TM6SF1: variants seen among roughly 807,000 people sequenced by gnomAD.
The protein encoded by TM6SF1 is transmembrane 6 superfamily member 1.
A neutral mutation model predicts 47.1 loss-of-function variants in TM6SF1; 43 were observed. That is an observed-to-expected ratio of 0.91 (90% CI 0.72 to 1.18). The LOEUF is 1.18. Among genes scored for constraint, TM6SF1 ranks in the 50% most tolerant of loss-of-function variants. The probability of loss-of-function intolerance (pLI) is 0.00; values close to 1 mark genes in which losing one functional copy is unlikely to be tolerated. For missense variants in TM6SF1, 390 were observed against 449.0 expected (o/e 0.87, Z 1.19); for synonymous variants, 177 against 166.3 (o/e 1.06, Z -0.49).
intron 1 of TM6SF1, among the ~76,000 whole-genome samples, chr15:83,110,806 C>G (rs1456775464): frequency 6.6e-6 from 1 of 152,216 alleles, no homozygotes; most frequent in Non-Finnish European, 1.5e-5. Flanking sequence ...CAGAAACCTC[C>G]TATTTTTCAG....
intron 2 of TM6SF1, 39 bp from the exon 3 acceptor site, chr15:83,115,806 G>A: frequency 3.7e-6 from 5 of 1,350,890 alleles, no homozygotes; most frequent in South Asian, 2.3e-5. Context: ...ATTGTCTCCT[G>A]AGCTATTGCT....
chr15:83,117,351 G>A (rs1416690360), intron 3 of TM6SF1, among the ~76,000 whole-genome samples: 2 of 152,146 alleles, frequency 1.3e-5, no homozygotes, highest in African/African-American at 4.8e-5. Flanking sequence ...GAGCAGTCCT[G>A]GAAGAGAGAG....
At chr15:83,117,667 G>C (rs1171530736) in intron 3 of TM6SF1, among the ~76,000 whole-genome samples, 1 of 152,114 alleles carries the variant, frequency 6.6e-6, no homozygotes, top group Non-Finnish European at 1.5e-5. Context: ...GGACTGGGGT[G>C]TAACTGTGGT....
At chr15:83,118,142 G>A (rs1038107909) in intron 3 of TM6SF1, among the ~76,000 whole-genome samples, 1 of 152,028 alleles carries the variant, frequency 6.6e-6, no homozygotes, top group Non-Finnish European at 1.5e-5. Context: ...CGGGAGGATC[G>A]CTTGACGCCA....
intron 9 of TM6SF1, 151 bp downstream of exon 9, chr15:83,127,628 G>A (rs952555448): frequency 9.9e-5 from 77 of 777,930 alleles, no homozygotes; most frequent in Non-Finnish European, 1.3e-4. Flanking sequence ...AGACATTTCT[G>A]CAAGTACATT....
intron 9 of TM6SF1, chr15:83,135,664 C>T (rs986381793): frequency 2.0e-5 from 3 of 152,184 alleles, no homozygotes; most frequent in African/African-American, 7.2e-5. Flanking sequence ...CCAATTGGCA[C>T]ATTCTGAATG....
chr15:83,116,066 A>T (rs1048529350), intron 3 of TM6SF1, 124 bp downstream of exon 3: 1 of 738,326 alleles, frequency 1.4e-6, no homozygotes, highest in African/African-American at 1.7e-5. Flanking sequence ...TTCATTTCCT[A>T]TAATAGCCTT....
At chr15:83,122,931 C>T (rs905558734) in intron 6 of TM6SF1, 53 bp downstream of exon 6, 45 of 1,599,718 alleles carry the variant, frequency 2.8e-5, no homozygotes, top group Admixed American at 1.9e-4. Flanking sequence ...AGGGTTCTTT[C>T]GCATCCACTG....
At chr15:83,128,659 C>T (rs1231979837) in intron 9 of TM6SF1, 14 of 152,196 alleles carry the variant, frequency 9.2e-5, no homozygotes, top group Admixed American at 9.2e-4. Flanking sequence ...TTGCATGCCT[C>T]ACTAGCACCT....
chr15:83,117,020 G>C (rs1464834009), intron 3 of TM6SF1, among the ~76,000 whole-genome samples: 1 of 152,198 alleles, frequency 6.6e-6, no homozygotes, highest in Non-Finnish European at 1.5e-5. Context: ...AATTGTCCCA[G>C]GCACAGTGAG....
At chr15:83,132,412 G>A (rs1239343579) in intron 9 of TM6SF1, 1 of 152,232 alleles carries the variant, frequency 6.6e-6, no homozygotes, top group Non-Finnish European at 1.5e-5. Context: ...GCCAGCGAAG[G>A]AGGTTCAGTT....
intron 1 of TM6SF1, among the ~76,000 whole-genome samples, chr15:83,109,726 C>T (rs888512978): frequency 1.3e-5 from 2 of 152,148 alleles, no homozygotes; most frequent in East Asian, 1.9e-4. Context: ...TTCTCGGCCT[C>T]GGCCCCCCAG....
rs1228684035 is a variant in TM6SF1, at chr15:83,136,653, C to A, written c.1094C>A (p.Ala365Glu). 1.3e-6 allele frequency: 2 copies of A among 1,593,356 alleles called. No homozygotes were observed. The highest frequency in any genetic ancestry group is 1.7e-6 in the Non-Finnish European group (2 of 1,174,770). Residue 365 changes from alanine (A) to glutamate (E), a missense_variant, in exon 10 of 10, where the codon GCA becomes GAA. Coordinates refer to ENST00000322019, the MANE Select transcript of TM6SF1 (RefSeq NM_023003.5). The stretch of plus-strand genomic sequence containing the variant: ...CCAGAGTTCTTCATAAAAACAAAGG[C>A]AGAAGAAAAAGTGGAATAAAAATAT... ...YKPEFFIKTK[A>E]EEKVE
intron 3 of TM6SF1, among the ~76,000 whole-genome samples, chr15:83,118,077 C>A (rs576446004): frequency 6.6e-6 from 1 of 152,178 alleles, no homozygotes; most frequent in South Asian, 2.1e-4. Flanking sequence ...TATAGAGAGG[C>A]CATGGCTGGC....
intron 1 of TM6SF1, among the ~76,000 whole-genome samples, chr15:83,110,507 T>C (rs2034050985): frequency 6.6e-6 from 1 of 152,176 alleles, no homozygotes; most frequent in African/African-American, 2.4e-5. Flanking sequence ...GAGAGGACGC[T>C]GTGAACCAGT....
Position 83,112,818 on chromosome 15 carries a change from T to G in TM6SF1, c.114T>G (p.Val38=), listed in dbSNP as rs1364295198. 6.2e-7 allele frequency: 1 copy of G among 1,614,048 alleles called. No homozygotes were observed. Among genetic ancestry groups the G allele is most frequent in the Non-Finnish European group, 8.5e-7 (1 of 1,179,994 alleles). Residue 38 remains valine (V), a synonymous_variant, in exon 2 of 10, where the codon GTT becomes GTG. Coordinates refer to ENST00000322019, the MANE Select transcript of TM6SF1 (RefSeq NM_023003.5). ...AQHDSWTIVG[V]AALILFLVAL... ...GCAGTTCCTGGACTATTGTAGGGGT[T>G]GCTGCCCTCATCCTGTTCCTGGTAG...
rs545878028 is a variant in TM6SF1 at position 83,119,732 on chromosome 15, C to T, written c.398+51C>T. ...CTTTGCCACCTTAGCAACCGATAAG[C>T]GGGTATGTAAGGAAACGTTATGCAT... On this transcript the variant is annotated intron_variant, in intron 4 of 9. Coordinates refer to ENST00000322019, the MANE Select transcript of TM6SF1 (RefSeq NM_023003.5). 22 of 1,610,658 alleles carry T rather than the reference C, an allele frequency of 1.4e-5. No homozygotes were observed. The East Asian group carries it at 2.2e-4, about 16-fold the overall frequency.
intron 2 of TM6SF1, chr15:83,113,793 G>A (rs1457017101): frequency 6.6e-6 from 1 of 152,342 alleles, no homozygotes; most frequent in Non-Finnish European, 1.5e-5. Context: ...AAGGAAGAAA[G>A]TGGTGGCTCT....
chr15:83,119,710 T>A, intron 4 of TM6SF1, 29 bp downstream of exon 4: 1 of 1,613,312 alleles, frequency 6.2e-7, no homozygotes, highest in Non-Finnish European at 8.5e-7. Context: ...TGTGTGCCTT[T>A]GCCACCTTAG....
Sources: allele counts gnomAD v4.1 joint callset (sites outside exome capture counted in the v4.1 genomes callset), GRCh38; gene constraint gnomAD v4.1.1; transcripts MANE v1.5; gene names NCBI Gene and HGNC (gene_info 2026-07-23, HGNC 2026-07-21).